Variants in DCC observed in about 807,000 individuals in gnomAD.
The protein encoded by DCC is netrin receptor DCC.
Under a neutral mutation model 172.5 loss-of-function variants are expected in DCC, and 58 were observed. The ratio of observed to expected loss-of-function variants is 0.34; its 90% CI spans 0.27 to 0.42. The LOEUF is 0.42. DCC is among the 10% of genes least tolerant of loss of function. DCC has a pLI of 1.00. For synonymous variants in DCC, 709 were observed against 644.5 expected (o/e 1.10, Z -1.52); for missense variants, 1,740 against 1,791.0 (o/e 0.97, Z 0.51).
intron 1 of DCC, among the ~76,000 whole-genome samples, chr18:52,595,387 T>C (rs1444653932): frequency 6.6e-6 from 1 of 152,180 alleles, no homozygotes; most frequent in Non-Finnish European, 1.5e-5. Context: ...TAACACTCTG[T>C]TCCTCATTAT....
In DCC at chr18:53,429,031, A is replaced by T. The variant is rs1374733977; in HGVS notation, c.3164-6113A>T. On this transcript the variant is annotated intron_variant, in intron 21 of 28. Transcript: ENST00000442544. ...ATATATTTTATATATTTTTTATATAATATATATTTTATATATAATATATTA... is the reference window on the plus strand; with the variant it reads ...ATATATTTTATATATTTTTTATATATTATATATTTTATATATAATATATTA... Among the ~76,000 whole-genome samples, 214 of 48,838 alleles carry T rather than the reference A, an allele frequency of 4.4e-3. 32 individuals carry two copies. Among genetic ancestry groups the T allele is most frequent in the African/African-American group, 0.012 (202 of 16,788 alleles). The allele number at this position is 48,838 out of a possible 152,430, so 32.0% of individuals were successfully genotyped here.
chr18:52,772,493 C>G (rs941133601), intron 2 of DCC, among the ~76,000 whole-genome samples: 21 of 152,186 alleles, frequency 1.4e-4, no homozygotes, highest in African/African-American at 5.1e-4. Flanking sequence ...TTCCCTCTGG[C>G]TGACAGTTAA....
At chr18:52,654,111 A>G (rs2045580296) in intron 1 of DCC, among the ~76,000 whole-genome samples, 1 of 152,212 alleles carries the variant, frequency 6.6e-6, no homozygotes, top group South Asian at 2.1e-4. Flanking sequence ...AGGTTGCACC[A>G]TTAAGGTACC....
chr18:53,484,359 A>G (rs1353194404), intron 25 of DCC, among the ~76,000 whole-genome samples: 3 of 151,746 alleles, frequency 2.0e-5, no homozygotes, highest in Admixed American at 1.3e-4. Context: ...ACTTTTTGTA[A>G]CAATATATAA....
At chr18:52,470,113 T>C (rs1273757461) in intron 1 of DCC, among the ~76,000 whole-genome samples, 1 of 152,152 alleles carries the variant, frequency 6.6e-6, no homozygotes, top group Non-Finnish European at 1.5e-5. Context: ...AAAAGAATAT[T>C]TAGAAATGTA....
At chr18:52,560,513 CT>C (rs1247509377) in intron 1 of DCC, among the ~76,000 whole-genome samples, 1 of 152,160 alleles carries the variant, frequency 6.6e-6, no homozygotes, top group Non-Finnish European at 1.5e-5. Context: ...ACAAGTGAGC[CT>C]GTTTATGAAC....
chr18:53,402,198 G>A (rs890405796), intron 18 of DCC, among the ~76,000 whole-genome samples: 20 of 152,006 alleles, frequency 1.3e-4, no homozygotes, highest in South Asian at 4.2e-4. Flanking sequence ...ATCATCCAGC[G>A]TGGCAACATA....
intron 12 of DCC, among the ~76,000 whole-genome samples, chr18:53,287,862 A>G (rs547316271): frequency 1.3e-5 from 2 of 152,208 alleles, no homozygotes; most frequent in Admixed American, 6.5e-5. Context: ...CTATTAAAAA[A>G]GTAGCCACTG....
chr18:52,711,201 G>T (rs908608893), intron 1 of DCC, among the ~76,000 whole-genome samples: 9 of 152,092 alleles, frequency 5.9e-5, no homozygotes, highest in African/African-American at 1.7e-4. Context: ...GGACGATAAA[G>T]ATATAAGGAT....
intron 9 of DCC, among the ~76,000 whole-genome samples, chr18:53,192,462 C>T (rs536852628): frequency 3.3e-5 from 5 of 151,902 alleles, no homozygotes; most frequent in African/African-American, 1.2e-4. Context: ...TATTTTGAGT[C>T]CCTAAAAAAA....
chr18:52,929,338 C>A (rs570281280), intron 5 of DCC, among the ~76,000 whole-genome samples: 6 of 150,452 alleles, frequency 4.0e-5, no homozygotes, highest in Non-Finnish European at 5.9e-5. Context: ...TCCTATTCAT[C>A]GTTTTTTATT....
intron 7 of DCC, among the ~76,000 whole-genome samples, chr18:53,112,545 CA>C (rs1469327565): frequency 6.6e-6 from 1 of 151,414 alleles, no homozygotes; most frequent in East Asian, 1.9e-4. Context: ...TTACAGTGAT[CA>C]AATTATGGGT....
chr18:53,063,768 C>T (rs914375838), intron 6 of DCC, among the ~76,000 whole-genome samples: 1 of 152,166 alleles, frequency 6.6e-6, no homozygotes, highest in Admixed American at 6.6e-5. Flanking sequence ...GCTGGTTTAT[C>T]AAAGAGAGTT....
chr18:53,146,006 G>T (rs987874237), intron 7 of DCC, among the ~76,000 whole-genome samples: 1 of 151,970 alleles, frequency 6.6e-6, no homozygotes. Context: ...GGCTGAGATG[G>T]GTGGGTCACT....
intron 26 of DCC, among the ~76,000 whole-genome samples, chr18:53,494,277 G>C (rs986123809): frequency 1.3e-5 from 2 of 152,200 alleles, no homozygotes; most frequent in Admixed American, 6.5e-5. Flanking sequence ...CTGTGATGTA[G>C]TGCTACAAAG....
intron 1 of DCC, among the ~76,000 whole-genome samples, chr18:52,351,630 C>T (rs1013286868): frequency 3.9e-5 from 6 of 152,094 alleles, no homozygotes; most frequent in African/African-American, 1.4e-4. Context: ...CAGAGGGAAA[C>T]AAAACTTCAC....
intron 1 of DCC, among the ~76,000 whole-genome samples, chr18:52,404,712 G>T (rs1488124414): frequency 6.7e-6 from 1 of 150,106 alleles, no homozygotes; most frequent in African/African-American, 2.5e-5. Flanking sequence ...TGCACATTGT[G>T]CAGGTTAGTT....
At chr18:53,159,665 G>C (rs1211101737) in intron 8 of DCC, among the ~76,000 whole-genome samples, 3 of 152,078 alleles carry the variant, frequency 2.0e-5, no homozygotes, top group Non-Finnish European at 4.4e-5. Context: ...ATCTATATCT[G>C]TCTATCTGTA....
chr18:52,691,285 C>T (rs145397107), intron 1 of DCC, among the ~76,000 whole-genome samples: 1 of 152,190 alleles, frequency 6.6e-6, no homozygotes, highest in Non-Finnish European at 1.5e-5. Context: ...AACATCAGTG[C>T]CCTGGCCAAG....
Sources: allele counts gnomAD v4.1 joint callset (sites outside exome capture counted in the v4.1 genomes callset), GRCh38; gene constraint gnomAD v4.1.1; transcripts MANE v1.5; gene names NCBI Gene and HGNC (gene_info 2026-07-23, HGNC 2026-07-21).